The following GCH1 variants were observed in gnomAD, a reference collection of about 807,000 sequenced individuals.
GCH1 encodes GTP cyclohydrolase 1.
In GCH1, 5 loss-of-function variants were observed where a neutral mutation model predicts 25.9. The ratio of observed to expected loss-of-function variants is 0.19; its 90% CI spans 0.10 to 0.41. The LOEUF (loss-of-function observed/expected upper bound fraction) is 0.41. Ranked by LOEUF, GCH1 falls within the 10% of genes least tolerant of loss-of-function variation. The pLI is 1.00. For missense variants in GCH1, 261 were observed against 336.5 expected (o/e 0.78, Z 1.75); for synonymous variants, 159 against 129.6 (o/e 1.23, Z -1.54).
In GCH1 at chr14:54,880,826, T is replaced by C. The variant is rs79895676; in HGVS notation, c.344-15390A>G. Among the ~76,000 whole-genome samples the C allele has an allele frequency of 5.0e-3, 376 of 75,536 alleles. 40 individuals carry two copies. The highest frequency in any genetic ancestry group is 6.3e-3 in the Non-Finnish European group (291 of 46,386). 49.6% of individuals were successfully genotyped at this position (75,536 alleles called of 152,430 possible). A position where few individuals can be genotyped will look rare whatever the true frequency, so the allele number is the denominator to read the frequency against. On this transcript the variant is annotated intron_variant, in intron 1 of 5. Transcript: ENST00000491895. ...TATATACTCCATATATATATATATA[T>C]ACTCCATATATATATATACTCCATA... is the stretch of plus-strand genomic sequence containing the variant.
At chr14:54,893,749 A>G (rs1421992729) in intron 1 of GCH1, among the ~76,000 whole-genome samples, 1 of 152,216 alleles carries the variant, frequency 6.6e-6, no homozygotes, top group East Asian at 1.9e-4. Context: ...TAACACATGT[A>G]AAAACTCACT....
At position 54,843,264 on chromosome 14, in the gene GCH1, C is replaced by T; in HGVS notation, c.*753G>A. ...TAAAATAATGGCTTTTTTAAAAAGGCAAAAGTATCTACACTCTAAATGATA... is the reference window on the plus strand; with the variant it reads ...TAAAATAATGGCTTTTTTAAAAAGGTAAAAGTATCTACACTCTAAATGATA... On this transcript the variant is annotated 3_prime_UTR_variant, in exon 6 of 6. Transcript: ENST00000491895. 3 of 1,389,340 alleles carry T rather than the reference C, an allele frequency of 2.2e-6. No homozygotes were observed. The highest frequency in any genetic ancestry group is 2.8e-6 in the Non-Finnish European group (3 of 1,078,284). 86.1% of individuals were successfully genotyped at this position (1,389,340 alleles called of 1,614,324 possible).
chr14:54,853,057 G>A lies in GCH1; in HGVS notation c.510-5927C>T, dbSNP rs185697122. Among the ~76,000 whole-genome samples the A allele has an allele frequency of 2.7e-3, 409 of 152,240 alleles. 1 individual carries two copies. The highest frequency in any genetic ancestry group is 8.3e-3 in the African/African-American group (343 of 41,540). ...CAGCTCACTGCAACCTCTACCTCCC[G>A]GGTTCAAGCAATTCTCCTGCCTCAG... On this transcript the variant is annotated intron_variant, in intron 3 of 5. Coordinates refer to ENST00000491895, the MANE Select transcript of GCH1 (RefSeq NM_000161.3).
At position 54,879,375 on chromosome 14, in the gene GCH1, C is replaced by G. The variant is rs371793677; in HGVS notation, c.344-13939G>C. Among the ~76,000 whole-genome samples, 11 of 134,476 alleles carry G rather than the reference C, an allele frequency of 8.2e-5. 1 individual carries two copies. In the East Asian group the frequency reaches 1.8e-3, roughly 22 times the overall value. The allele number at this position is 134,476 out of a possible 152,430, so 88.2% of individuals were successfully genotyped here. A position where few individuals can be genotyped will look rare whatever the true frequency, so the allele number is the denominator to read the frequency against. Reference sequence around the variant, plus strand: ...GGCGAAGGTTGCAGTGACTTCAGATCACACCACTGCACTCCAGCCTGGGCA... The same window carrying G: ...GGCGAAGGTTGCAGTGACTTCAGATGACACCACTGCACTCCAGCCTGGGCA... On this transcript the variant is annotated intron_variant, in intron 1 of 5. Transcript: ENST00000491895.
intron 3 of GCH1, among the ~76,000 whole-genome samples, chr14:54,849,520 G>A (rs999709231): frequency 7.2e-5 from 11 of 152,120 alleles, no homozygotes; most frequent in African/African-American, 2.4e-4. Context: ...TTCTTTGGCT[G>A]CTTTTATATT....
At chr14:54,896,920 A>AG (rs1262926725) in intron 1 of GCH1, among the ~76,000 whole-genome samples, 5 of 143,726 alleles carry the variant, frequency 3.5e-5, no homozygotes, top group African/African-American at 1.3e-4. Context: ...CTTCATCTCA[A>AG]AAAAAAAAAA....
Position 54,843,426 on chromosome 14 carries a change from C to T in GCH1, c.*591G>A, listed in dbSNP as rs190345159. The T allele has an allele frequency of 2.5e-6, 3 of 1,223,742 alleles. No individual in the cohort carries two copies. The highest frequency in any genetic ancestry group is 3.1e-6 in the Non-Finnish European group (3 of 980,682). The allele number at this position is 1,223,742 out of a possible 1,614,324, so 75.8% of individuals were successfully genotyped here. ...AGAAGGTAGAAATGTGCCTTTTTAA[C>T]TCACAGTAAAATCAAAAACATAGAC... On this transcript the variant is annotated 3_prime_UTR_variant, in exon 6 of 6. Coordinates refer to ENST00000491895, the MANE Select transcript of GCH1 (RefSeq NM_000161.3).
At chr14:54,889,196 G>A (rs976230638) in intron 1 of GCH1, among the ~76,000 whole-genome samples, 5 of 152,120 alleles carry the variant, frequency 3.3e-5, no homozygotes, top group Admixed American at 2.6e-4. Context: ...ATAAATGGTG[G>A]GGTCAATTAG....
chr14:54,856,375 A>G (rs538907915), intron 3 of GCH1, among the ~76,000 whole-genome samples: 15 of 152,290 alleles, frequency 9.8e-5, no homozygotes, highest in Admixed American at 9.2e-4. Flanking sequence ...CACAGTGCCC[A>G]CCCAACAGGT....
In GCH1 at chr14:54,865,445, A is replaced by C; in HGVS notation, c.344-9T>G. 1.5e-6 allele frequency: 2 copies of C among 1,348,888 alleles called. No homozygotes were observed. The highest frequency in any genetic ancestry group is 2.1e-6 in the Non-Finnish European group (2 of 939,712). The allele number at this position is 1,348,888 out of a possible 1,614,324, so 83.6% of individuals were successfully genotyped here. A position where few individuals can be genotyped will look rare whatever the true frequency, so the allele number is the denominator to read the frequency against. On this transcript the variant is annotated splice_polypyrimidine_tract_variant and intron_variant, in intron 1 of 5. Coordinates refer to ENST00000491895, the MANE Select transcript of GCH1 (RefSeq NM_000161.3). The stretch of plus-strand genomic sequence containing the variant: ...AGCATCGTTTAGGACATCTGAAATC[A>C]GAGGCTTGCTTTAGTAACATGTCCA...
intron 1 of GCH1, among the ~76,000 whole-genome samples, chr14:54,880,318 TAC>T (rs1225063764): frequency 4.8e-5 from 7 of 147,052 alleles, no homozygotes; most frequent in Non-Finnish European, 6.0e-5. Flanking sequence ...AACTTGTTCA[TAC>T]AGTCTTGTAT....
chr14:54,866,817 G>T (rs1270135523), intron 1 of GCH1, among the ~76,000 whole-genome samples: 1 of 152,172 alleles, frequency 6.6e-6, no homozygotes, highest in Non-Finnish European at 1.5e-5. Flanking sequence ...AAAGTCATTA[G>T]TGTGGTCAAG....
intron 2 of GCH1, among the ~76,000 whole-genome samples, chr14:54,864,102 T>C (rs1368554049): frequency 1.3e-5 from 2 of 152,128 alleles, no homozygotes; most frequent in African/African-American, 4.8e-5. Flanking sequence ...GTTCAAGCAA[T>C]CCACCTACCT....
rs2040564579 is a variant in GCH1, at chr14:54,901,395, C to T, written c.343+926G>A. Among the ~76,000 whole-genome samples, 3 of 152,210 alleles carry T rather than the reference C, an allele frequency of 2.0e-5. No individual in the cohort carries two copies. The South Asian group carries it at 6.2e-4, about 31-fold the overall frequency. On this transcript the variant is annotated intron_variant, in intron 1 of 5. Coordinates refer to ENST00000491895, the MANE Select transcript of GCH1 (RefSeq NM_000161.3). ...TTTTAAACACAGACCAATACTGCTT[C>T]TCTGGCCAACAGGCAGCAAAGTCCC...
intron 3 of GCH1, among the ~76,000 whole-genome samples, chr14:54,850,324 TC>T (rs71448414): frequency 7.5e-6 from 1 of 133,856 alleles, no homozygotes; most frequent in African/African-American, 2.6e-5. Flanking sequence ...TTTTTTTTTT[TC>T]CCCCGAGACA....
intron 1 of GCH1, among the ~76,000 whole-genome samples, chr14:54,876,674 A>C (rs929131471): frequency 1.3e-5 from 2 of 151,962 alleles, no homozygotes; most frequent in African/African-American, 2.4e-5. Flanking sequence ...TAAAAATCAT[A>C]ATAATAATAA....
chr14:54,856,744 C>T (rs2039817582), intron 3 of GCH1, among the ~76,000 whole-genome samples: 1 of 152,192 alleles, frequency 6.6e-6, no homozygotes, highest in Admixed American at 6.5e-5. Flanking sequence ...TGAGCCACCT[C>T]ACCCAGCCGA....
intron 3 of GCH1, among the ~76,000 whole-genome samples, chr14:54,855,536 C>T (rs998525215): frequency 1.9e-5 from 2 of 105,380 alleles, no homozygotes; most frequent in African/African-American, 8.5e-5. Context: ...AAAAGCTGGC[C>T]GGGTGCAGTG....
At chr14:54,894,969 T>C (rs1940777993) in intron 1 of GCH1, among the ~76,000 whole-genome samples, 2 of 152,184 alleles carry the variant, frequency 1.3e-5, no homozygotes, top group Admixed American at 6.6e-5. Context: ...ACCCATGATA[T>C]AGGAGAGAAT....
Sources: gnomAD v4.1 joint callset for allele counts (sites outside exome capture counted in the v4.1 genomes callset) on GRCh38, gnomAD v4.1.1 for gene constraint, MANE v1.5 for transcripts, NCBI Gene and HGNC (gene_info 2026-07-23, HGNC 2026-07-21) for gene names.